Variants in ABCA7 observed in about 807,000 individuals in gnomAD.
ABCA7 encodes ATP binding cassette subfamily A member 7.
A neutral mutation model predicts 227.6 loss-of-function variants in ABCA7; 261 were observed. The observed-to-expected ratio is 1.15, with a 90% CI of 1.04 to 1.27. ABCA7 has a LOEUF of 1.27. Among genes scored for constraint, ABCA7 ranks in the 50% most tolerant of loss-of-function variants. The pLI, the probability that ABCA7 is intolerant of heterozygous loss-of-function variation, is 0.00. For missense variants in ABCA7, 3,331 were observed against 2,924.5 expected (o/e 1.14, Z -3.21); for synonymous variants, 1,488 against 1,279.7 (o/e 1.16, Z -3.47).
At chr19:1,061,170 G>A (rs1364109614) in intron 40 of ABCA7, among the ~76,000 whole-genome samples, 2 of 152,060 alleles carry the variant, frequency 1.3e-5, no homozygotes, top group Non-Finnish European at 2.9e-5. Flanking sequence ...GCCAAGGCAG[G>A]AGGATCACTT....
Position 1,049,453 on chromosome 19 carries a change from C to G in ABCA7, c.2552+16C>G. The G allele has an allele frequency of 6.5e-7, 1 of 1,537,688 alleles. No individual in the cohort carries two copies. The stretch of plus-strand genomic sequence containing the variant: ...CCACCACCCTGTGAGCCCCCAACCA[C>G]TCCCTCCCCGTGAGCCCCCCCACTC... On this transcript the variant is annotated intron_variant, in intron 18 of 46. Transcript: ENST00000263094.
At position 1,041,827 on chromosome 19, in the gene ABCA7, G is replaced by T. The variant is rs199601811; in HGVS notation, c.161-4G>T. 5.4e-5 allele frequency: 87 copies of T among 1,601,238 alleles called. 1 individual carries two copies. The highest frequency in any genetic ancestry group is 1.1e-5 in the South Asian group (1 of 90,344). ...GGGCCTCAGCACCAGGCGTCTCCCC[G>T]CAGGCCACTTCCCAAACAAGCCACT... On this transcript the variant is annotated splice_region_variant and splice_polypyrimidine_tract_variant and intron_variant, in intron 3 of 46. Coordinates refer to ENST00000263094, the MANE Select transcript of ABCA7 (RefSeq NM_019112.4).
At chr19:1,062,927 G>T (rs2042762216) in intron 42 of ABCA7, among the ~76,000 whole-genome samples, 1 of 138,684 alleles carries the variant, frequency 7.2e-6, no homozygotes, top group African/African-American at 2.7e-5. Flanking sequence ...CCATACTCAT[G>T]CTGGCTCCAC....
At position 1,064,526 on chromosome 19, in the gene ABCA7, G is replaced by A. The variant is rs1169340057; in HGVS notation, c.6044+273G>A. On this transcript the variant is annotated intron_variant, in intron 45 of 46. Transcript: ENST00000263094. ...TGGAGTAGGTGCAGCCTGGAGAGGTGAGGGTGGATTGATGGGTGGAGTTAG... is the reference window on the plus strand; with the variant it reads ...TGGAGTAGGTGCAGCCTGGAGAGGTAAGGGTGGATTGATGGGTGGAGTTAG... 8 of 521,470 alleles carry A rather than the reference G, an allele frequency of 1.5e-5. No individual in the cohort carries two copies. The Admixed American group carries it at 3.0e-4, about 19-fold the overall frequency. The allele number at this position is 521,470 out of a possible 1,614,324, so 32.3% of individuals were successfully genotyped here.
Position 1,051,234 on chromosome 19 carries a change from C to T in ABCA7, c.2764C>T (p.Arg922Cys), listed in dbSNP as rs770953527. Residue 922 changes from arginine (R) to cysteine (C), a missense_variant, in exon 20 of 47, where the codon CGT becomes TGT. Transcript: ENST00000263094. Reference protein sequence around the residue: ...SAAVVGPEQDRLLQDVGLVSK... With the variant: ...SAAVVGPEQDCLLQDVGLVSK... ...CGCTGTAGTGGGCCCCGAGCAGGAC[C>T]GTCTGCTGCAGGATGTGGGGCTGGT... 23 of 1,610,436 alleles carry T rather than the reference C, an allele frequency of 1.4e-5. No homozygotes were observed. Among genetic ancestry groups the T allele is most frequent in the East Asian group, 6.7e-5 (3 of 44,884 alleles).
rs772735788 is a variant in ABCA7 at position 1,051,518 on chromosome 19, A to G, written c.2894A>G (p.Glu965Gly). The change falls in exon 21 of 47, where the codon GAG becomes GGG. Residue 965 changes from glutamate (E) to glycine (G), a missense_variant. Glu to Gly is a moderately conservative substitution (Grantham distance 98, BLOSUM62 -2). Transcript: ENST00000263094. ...GGCTCCCAAGTTGTTATCCTGGACG[A>G]GCCTACGGCTGGCGTGGATCCTGCT... ...VGGSQVVILD[E>G]PTAGVDPASR... The G allele has an allele frequency of 1.2e-6, 2 of 1,612,668 alleles. No homozygotes were observed. Among genetic ancestry groups the G allele is most frequent in the Non-Finnish European group, 1.7e-6 (2 of 1,179,930 alleles).
rs768020065 is a variant in ABCA7 at position 1,065,039 on chromosome 19, T to C, written c.6153T>C (p.His2051=). 64 of 1,558,006 alleles carry C rather than the reference T, an allele frequency of 4.1e-5. No individual in the cohort carries two copies. The East Asian group carries it at 1.5e-3, about 37-fold the overall frequency. Residue 2051 remains histidine, a synonymous_variant, in exon 46 of 47, where the codon CAT becomes CAC. Transcript: ENST00000263094. The part of the protein sequence containing the change: ...EFPGAELREA[H]GGRLRFQLPP... ...CTGGGGCGGAGCTGCGCGAGGCACA[T>C]GGAGGCCGCCTGCGCTTCCAGCTGC...
Position 1,042,821 on chromosome 19 carries a change from C to T in ABCA7, c.574C>T (p.Gln192Ter), listed in dbSNP as rs746888680. The T allele has an allele frequency of 6.2e-7, 1 of 1,601,104 alleles. No homozygotes were observed. Among genetic ancestry groups the T allele is most frequent in the Non-Finnish European group, 8.5e-7 (1 of 1,174,848 alleles). The change falls in exon 7 of 47, where the codon CAG (glutamine) becomes TAG (stop). Residue 192 changes from glutamine to a stop codon, truncating the protein, a stop_gained. Coordinates refer to ENST00000263094, the MANE Select transcript of ABCA7 (RefSeq NM_019112.4). LOFTEE classifies it high-confidence loss of function. ...SLLEAAEDLA[Q>*]ELLALRSLVE... ...GTTGGAGGCCGCTGAGGACCTGGCC[C>T]AGGAGGTACGAGGCCCCACTCATCC... is the stretch of plus-strand genomic sequence containing the variant.
In ABCA7 at chr19:1,049,310, G is replaced by C. The variant is rs758626205; in HGVS notation, c.2425G>C (p.Val809Leu). The change falls in exon 18 of 47, where the codon GTT (valine) becomes CTT (leucine). Residue 809 changes from valine (V) to leucine (L), a missense_variant. Transcript: ENST00000263094. ...APPGLSPGVS[V>L]RSLEKRFPGS... The stretch of plus-strand genomic sequence containing the variant: ...GCCCGGCCTGAGTCCTGGCGTCTCC[G>C]TTCGCAGCCTGGAGAAGCGCTTTCC... The C allele has an allele frequency of 1.9e-6, 3 of 1,611,388 alleles. No homozygotes were observed. The highest frequency in any genetic ancestry group is 2.5e-6 in the Non-Finnish European group (3 of 1,179,128).
intron 18 of ABCA7, among the ~76,000 whole-genome samples, chr19:1,050,054 C>T (rs574102454): frequency 2.0e-5 from 3 of 148,730 alleles, no homozygotes; most frequent in African/African-American, 7.5e-5. Flanking sequence ...CCGACCAGTC[C>T]CTCCCTGTGA....
rs1295224484 is a variant in ABCA7 at position 1,056,626 on chromosome 19, A to G, written c.4586+127A>G. 7.8e-7 allele frequency: 1 copy of G among 1,284,708 alleles called. No homozygotes were observed. Among genetic ancestry groups the G allele is most frequent in the Non-Finnish European group, 1.1e-6 (1 of 941,052 alleles). The allele number at this position is 1,284,708 out of a possible 1,614,324, so 79.6% of individuals were successfully genotyped here. A position where few individuals can be genotyped will look rare whatever the true frequency, so the allele number is the denominator to read the frequency against. Reference sequence around the variant, plus strand: ...TCTTGCTTTATAAATGGGGGATAGAAACTGTTCCTCTGCTCCCTAAGCCAG... The same window carrying G: ...TCTTGCTTTATAAATGGGGGATAGAGACTGTTCCTCTGCTCCCTAAGCCAG... On this transcript the variant is annotated intron_variant, in intron 33 of 46. Transcript: ENST00000263094. The surrounding 1 kb of genome is among the most constrained non-coding windows in gnomAD (Gnocchi z 4.3).
intron 40 of ABCA7, 58 bp from the exon 41 acceptor site, chr19:1,061,724 A>T: frequency 1.4e-6 from 2 of 1,428,754 alleles, no homozygotes; most frequent in South Asian, 1.2e-5. Flanking sequence ...AAGAAATCAG[A>T]GATGCCGGAA....
chr19:1,043,439 C>T lies in ABCA7; in HGVS notation c.896C>T (p.Pro299Leu). The T allele has an allele frequency of 6.2e-7, 1 of 1,613,396 alleles. No individual in the cohort carries two copies. Among genetic ancestry groups the T allele is most frequent in the Non-Finnish European group, 8.5e-7 (1 of 1,180,022 alleles). ...ATCCTCGGGAAGCTACTCTTTGCAC[C>T]AGATACACCTTTTACCCGGAAGCTC... Reference protein sequence around the residue: ...PLILGKLLFAPDTPFTRKLMA... With the variant: ...PLILGKLLFALDTPFTRKLMA... The change falls in exon 9 of 47, where the codon CCA becomes CTA. Residue 299 changes from proline to leucine, a missense_variant. Coordinates refer to ENST00000263094, the MANE Select transcript of ABCA7 (RefSeq NM_019112.4).
chr19:1,046,560 AGGGGACTCTGAGGGTCTGGTGGGGGG>A (rs1278365541), intron 13 of ABCA7, among the ~76,000 whole-genome samples, 154 bp downstream of exon 13: 4 of 146,168 alleles, frequency 2.7e-5, no homozygotes, highest in African/African-American at 2.6e-5. Flanking sequence ...CGGGAGGAGC[AGGGGACTCTGAGGGTCTGGTGGGGGG>A]GGGGACTCTG....
At position 1,041,880 on chromosome 19, in the gene ABCA7, C is replaced by T. The variant is rs772151243; in HGVS notation, c.210C>T (p.Leu70=). The change falls in exon 4 of 47, where the codon CTC becomes CTT. Residue 70 remains leucine (L), a synonymous_variant. Transcript: ENST00000263094. ...PLPSAGTVPW[L]QGLICNVNNT... is the part of the protein sequence containing the mutation. ...CATCGGCGGGCACCGTGCCCTGGCT[C>T]CAGGGTCTCATCTGTAATGTGAACA... 8.1e-6 allele frequency: 13 copies of T among 1,599,216 alleles called. No individual in the cohort carries two copies. Among genetic ancestry groups the T allele is most frequent in the Non-Finnish European group, 1.1e-5 (13 of 1,177,726 alleles).
In ABCA7 at chr19:1,044,645, C is replaced by A. The variant is rs771364442; in HGVS notation, c.1116C>A (p.Ala372=). Residue 372 remains alanine, a synonymous_variant, in exon 11 of 47, where the codon GCC becomes GCA. Coordinates refer to ENST00000263094, the MANE Select transcript of ABCA7 (RefSeq NM_019112.4). ...CTGGAGGCCGGGACCACATGGAGGC[C>A]CTGCGATCCTTTCTGGACCCTGGGA... is the stretch of plus-strand genomic sequence containing the variant. ...PRPGGRDHME[A]LRSFLDPGSG... The A allele has an allele frequency of 6.2e-7, 1 of 1,613,208 alleles. No homozygotes were observed. Among genetic ancestry groups the A allele is most frequent in the South Asian group, 1.1e-5 (1 of 91,086 alleles).
In ABCA7 at chr19:1,057,096, G is replaced by A. The variant is rs1422889879; in HGVS notation, c.4764+12G>A. The stretch of plus-strand genomic sequence containing the variant: ...TTCTCTGGGACATGGTGCGGGGGCT[G>A]CTTGGACGGGTGGGGGCCCAGCCAC... On this transcript the variant is annotated intron_variant, in intron 34 of 46. Transcript: ENST00000263094. 2.5e-6 allele frequency: 4 copies of A among 1,606,314 alleles called. No homozygotes were observed. The highest frequency in any genetic ancestry group is 2.2e-5 in the South Asian group (2 of 90,600).
intron 18 of ABCA7, among the ~76,000 whole-genome samples, chr19:1,049,925 GTT>G (rs1442725741): frequency 2.2e-4 from 2 of 9,196 alleles, no homozygotes; most frequent in East Asian, 1.0e-3. Context: ...CTCCCTGTGA[GTT>G]CCCCCACCAC....
At chr19:1,040,714 T>A (rs2039944609) in intron 1 of ABCA7, among the ~76,000 whole-genome samples, 1 of 152,146 alleles carries the variant, frequency 6.6e-6, no homozygotes. Context: ...CCGCGGTCCC[T>A]CTGAGCGATT....
Sources: gnomAD v4.1 joint callset for allele counts (sites outside exome capture counted in the v4.1 genomes callset) on GRCh38, gnomAD v4.1.1 for gene constraint, Gnocchi (gnomAD v3.1) non-coding constraint, MANE v1.5 for transcripts, NCBI Gene and HGNC (gene_info 2026-07-23, HGNC 2026-07-21) for gene names.